Variants in FOXP1 observed in about 807,000 individuals in gnomAD.
FOXP1 encodes the protein forkhead box P1, also known as forkhead box protein P1.
Under a neutral mutation model 98.2 loss-of-function variants are expected in FOXP1, and 15 were observed. The observed-to-expected ratio is 0.15, with a 90% confidence interval of 0.10 to 0.24. The LOEUF (loss-of-function observed/expected upper bound fraction) is 0.24. Ranked by LOEUF, FOXP1 falls within the 10% of genes least tolerant of loss-of-function variation. The pLI is 1.00. For missense variants in FOXP1, 633 were observed against 848.5 expected, an observed-to-expected ratio of 0.75 and a Z score of 3.15; for synonymous variants, 371 against 314.5, an observed-to-expected ratio of 1.18 and a Z score of -1.90.
chr3:71,545,268 A>T (rs2045268980), intron 2 of FOXP1, among the ~76,000 whole-genome samples: 1 of 152,230 alleles, frequency 6.6e-6, no homozygotes, highest in Admixed American at 6.5e-5. Flanking sequence ...TGGGTAAGTC[A>T]CAGTTTGTCT....
intron 6 of FOXP1, among the ~76,000 whole-genome samples, chr3:71,164,345 G>A (rs1482042670): frequency 6.6e-6 from 1 of 151,992 alleles, no homozygotes; most frequent in South Asian, 2.1e-4. Flanking sequence ...GACTACAGGC[G>A]CCCGCCACCA....
intron 3 of FOXP1, among the ~76,000 whole-genome samples, chr3:71,461,549 TC>T (rs2088112364): frequency 6.6e-6 from 1 of 152,004 alleles, no homozygotes; most frequent in Admixed American, 6.6e-5. Context: ...GTGCCTGTAA[TC>T]CCAGCACTTT....
In FOXP1 at chr3:71,091,752, T is replaced by C. The variant is rs568362765; in HGVS notation, c.282+20784A>G. The stretch of plus-strand genomic sequence containing the variant: ...ATTATGAGTCTAAAATAAAATATAA[T>C]TCTCAATTATAGAATTATTAATAAA... On this transcript the variant is annotated intron_variant, in intron 7 of 20. Coordinates refer to ENST00000649528, the MANE Select transcript of FOXP1 (RefSeq NM_001349338.3). 1.2e-4 allele frequency among the ~76,000 whole-genome samples: 18 copies of C among 152,262 alleles called. 1 individual carries two copies. Among genetic ancestry groups the C allele is most frequent in the Middle Eastern group, 6.8e-3 (2 of 294 alleles).
intron 3 of FOXP1, among the ~76,000 whole-genome samples, chr3:71,482,365 A>T (rs986810007): frequency 4.8e-5 from 6 of 125,066 alleles, no homozygotes; most frequent in Non-Finnish European, 6.4e-5. Flanking sequence ...ATAATACATA[A>T]CCTTTTTTTT....
At chr3:71,205,716 G>T (rs1034264791) in intron 5 of FOXP1, among the ~76,000 whole-genome samples, 4 of 152,306 alleles carry the variant, frequency 2.6e-5, no homozygotes, top group African/African-American at 9.6e-5. Flanking sequence ...CGGCGCCACT[G>T]ACCTGTCCTG....
intron 6 of FOXP1, among the ~76,000 whole-genome samples, chr3:71,135,841 A>T (rs1019676026): frequency 6.6e-6 from 1 of 152,104 alleles, no homozygotes; most frequent in African/African-American, 2.4e-5. Flanking sequence ...GACCCACCCA[A>T]ATCTTTATTT....
At chr3:71,227,829 A>G (rs759218669) in intron 5 of FOXP1, among the ~76,000 whole-genome samples, 2 of 152,122 alleles carry the variant, frequency 1.3e-5, no homozygotes, top group Non-Finnish European at 2.9e-5. Context: ...CAAGATTTTA[A>G]TAAGCAGTAA....
At chr3:71,167,894 T>C (rs1045753005) in intron 6 of FOXP1, among the ~76,000 whole-genome samples, 4 of 152,206 alleles carry the variant, frequency 2.6e-5, no homozygotes, top group African/African-American at 9.7e-5. Context: ...AGCTAACTTC[T>C]ACACTCCTGC....
intron 2 of FOXP1, among the ~76,000 whole-genome samples, chr3:71,575,249 G>A (rs1345885257): frequency 6.6e-6 from 1 of 152,090 alleles, no homozygotes; most frequent in Non-Finnish European, 1.5e-5. Context: ...TGGGCCTCAA[G>A]GTAAAATCAA....
chr3:71,056,821 T>TAA (rs111312573), intron 7 of FOXP1, among the ~76,000 whole-genome samples: 3 of 146,466 alleles, frequency 2.0e-5, no homozygotes, highest in Admixed American at 6.8e-5. Flanking sequence ...GAAAAGAAAT[T>TAA]AAAAAAAAAA....
At chr3:71,394,040 G>A (rs2081218206) in intron 3 of FOXP1, among the ~76,000 whole-genome samples, 2 of 152,270 alleles carry the variant, frequency 1.3e-5, no homozygotes, top group South Asian at 4.1e-4. Flanking sequence ...AGCAGAGCAA[G>A]AGTTTCTGAG....
intron 5 of FOXP1, among the ~76,000 whole-genome samples, chr3:71,207,466 C>G (rs911220509): frequency 6.6e-6 from 1 of 152,104 alleles, no homozygotes; most frequent in Non-Finnish European, 1.5e-5. Flanking sequence ...TTGCATTTCT[C>G]CGTTGTGCAA....
chr3:70,991,547 GT>G (rs1666389701), intron 13 of FOXP1, among the ~76,000 whole-genome samples: 1 of 152,174 alleles, frequency 6.6e-6, no homozygotes, highest in African/African-American at 2.4e-5. Context: ...CATTTTCTAT[GT>G]TGTCAGGAGG....
At chr3:71,304,509 T>C (rs932435220) in intron 4 of FOXP1, among the ~76,000 whole-genome samples, 1 of 152,216 alleles carries the variant, frequency 6.6e-6, no homozygotes, top group Admixed American at 6.5e-5. Flanking sequence ...GCTATTGTCA[T>C]GGAAAGTTAA....
At chr3:71,201,393 C>G (rs940876973) in intron 5 of FOXP1, among the ~76,000 whole-genome samples, 2 of 152,176 alleles carry the variant, frequency 1.3e-5, no homozygotes, top group African/African-American at 4.8e-5. Context: ...TGCCTGTAAT[C>G]CCAGCACTTT....
chr3:71,432,757 ACATTCAT>A (rs1382779484), intron 3 of FOXP1, among the ~76,000 whole-genome samples: 1 of 151,570 alleles, frequency 6.6e-6, no homozygotes, highest in Non-Finnish European at 1.5e-5. Context: ...TACAGCATTT[ACATTCAT>A]TTTCAGGCTT....
intron 3 of FOXP1, among the ~76,000 whole-genome samples, chr3:71,388,710 C>T (rs1039243044): frequency 2.0e-5 from 3 of 151,958 alleles, no homozygotes; most frequent in African/African-American, 7.3e-5. Flanking sequence ...AACAAATTAA[C>T]AACATATAAT....
intron 3 of FOXP1, among the ~76,000 whole-genome samples, chr3:71,448,617 G>A (rs1382554001): frequency 3.3e-5 from 5 of 152,042 alleles, no homozygotes; most frequent in African/African-American, 7.2e-5. Flanking sequence ...AATGGTACCC[G>A]CAAAAAGGAG....
At chr3:70,977,122 A>T in intron 16 of FOXP1, 80 bp from the exon 17 acceptor site, 1 of 952,056 alleles carries the variant, frequency 1.1e-6, no homozygotes, top group Non-Finnish European at 1.7e-6. Context: ...GAAAATATAA[A>T]ATCACTGTGA....
Sources: allele counts gnomAD v4.1 joint callset (sites outside exome capture counted in the v4.1 genomes callset), GRCh38; gene constraint gnomAD v4.1.1; transcripts MANE v1.5; gene names NCBI Gene and HGNC (gene_info 2026-07-23, HGNC 2026-07-21).